STRAP: variants seen among roughly 807,000 people sequenced by gnomAD.
The protein encoded by STRAP is serine-threonine kinase receptor-associated protein.
A neutral mutation model predicts 47.0 loss-of-function variants in STRAP; 16 were observed. The ratio of observed to expected loss-of-function variants is 0.34; its 90% CI spans 0.23 to 0.52. STRAP has a LOEUF of 0.52. Ranked by LOEUF, STRAP falls within the 20% of genes least tolerant of loss-of-function variation. The probability of loss-of-function intolerance (pLI) is 0.96; values close to 1 mark genes in which losing one functional copy is unlikely to be tolerated. For missense variants in STRAP, 293 were observed against 420.0 expected, an observed-to-expected ratio of 0.70 and a Z score of 2.64; for synonymous variants, 130 against 142.7, an observed-to-expected ratio of 0.91 and a Z score of 0.63.
intron 9 of STRAP, among the ~76,000 whole-genome samples, chr12:15,901,307 A>G (rs557416210): frequency 2.0e-5 from 3 of 152,274 alleles, no homozygotes; most frequent in Non-Finnish European, 4.4e-5. Context: ...TGTAAGGGGG[A>G]TTAAAAAAAG....
rs1948060088 is a variant in STRAP, at chr12:15,896,386, T to G, written c.638+890T>G. 1.3e-5 allele frequency among the ~76,000 whole-genome samples: 2 copies of G among 152,228 alleles called. No homozygotes were observed. Among genetic ancestry groups the G allele is most frequent in the Non-Finnish European group, 2.9e-5 (2 of 68,040 alleles). ...CAGATTTGAATTTTGCGACTTTAAA[T>G]GTAGTAAATACTCTTGGAGAAAGAC... On this transcript the variant is annotated intron_variant, in intron 6 of 9. Transcript: ENST00000419869. This position sits in a 1 kb window ranked among gnomAD's most constrained non-coding sequence, Gnocchi z 4.1.
intron 4 of STRAP, among the ~76,000 whole-genome samples, chr12:15,893,505 TATA>T (rs1315125880): frequency 4.8e-5 from 7 of 147,120 alleles, no homozygotes; most frequent in African/African-American, 7.4e-5. Context: ...TTATTATACA[TATA>T]ATAAATATAT....
intron 9 of STRAP, among the ~76,000 whole-genome samples, chr12:15,901,878 A>AC (rs1307382412): frequency 1.3e-5 from 2 of 151,748 alleles, no homozygotes; most frequent in African/African-American, 4.8e-5. Context: ...AAAAAAAAAA[A>AC]AAGGTTGCCT....
intron 7 of STRAP, 77 bp downstream of exon 7, chr12:15,898,095 T>C (rs1948074988): frequency 7.2e-6 from 9 of 1,256,162 alleles, no homozygotes; most frequent in Non-Finnish European, 8.6e-6. Flanking sequence ...CATTTATATA[T>C]ATATATATGT....
At chr12:15,893,080 G>A (rs1263952677) in intron 4 of STRAP, among the ~76,000 whole-genome samples, 2 of 152,176 alleles carry the variant, frequency 1.3e-5, no homozygotes, top group Non-Finnish European at 2.9e-5. Flanking sequence ...AGTGTTGAAT[G>A]GCATTGCCTC....
rs977710420 is a variant in STRAP at position 15,882,600 on chromosome 12, C to G, written c.-108C>G. The G allele has an allele frequency of 2.2e-6, 2 of 922,164 alleles. No individual in the cohort carries two copies. The highest frequency in any genetic ancestry group is 2.1e-5 in the Admixed American group (1 of 46,658). 57.1% of individuals were successfully genotyped at this position (922,164 alleles called of 1,614,324 possible). A position where few individuals can be genotyped will look rare whatever the true frequency, so the allele number is the denominator to read the frequency against. On this transcript the variant is annotated 5_prime_UTR_variant, in exon 1 of 10. Transcript: ENST00000419869. ...TCTTTTCCTGTTGCCCAGCCCAGCC[C>G]TAGTGTCAGGGCGGGGGCCTGGAGC...
intron 8 of STRAP, 60 bp downstream of exon 8, chr12:15,900,113 A>C (rs1948091551): frequency 1.3e-6 from 2 of 1,495,188 alleles, no homozygotes; most frequent in Non-Finnish European, 1.8e-6. Context: ...TGTCATTTTT[A>C]ATCATTAATT....
chr12:15,886,143 G>C (rs1274283631), intron 2 of STRAP, among the ~76,000 whole-genome samples: 3 of 152,038 alleles, frequency 2.0e-5, no homozygotes, highest in East Asian at 1.9e-4. Context: ...CACTAGGTGG[G>C]CTTGCATTCG....
At chr12:15,901,136 TTAAA>T (rs1435474519) in intron 9 of STRAP, 124 bp downstream of exon 9, 10 of 650,602 alleles carry the variant, frequency 1.5e-5, no homozygotes, top group Admixed American at 7.7e-5. Context: ...AATGGAAACT[TTAAA>T]TATTTATGCA....
chr12:15,896,845 C>G lies in STRAP; in HGVS notation c.639-1037C>G, dbSNP rs1157713121. ...TTAATTGATTTCCATAAGGATTATA[C>G]CACATTACACTTTGATATTTGACCA... is the stretch of plus-strand genomic sequence containing the variant. On this transcript the variant is annotated intron_variant, in intron 6 of 9. Transcript: ENST00000419869. The surrounding 1 kb of genome is among the most constrained non-coding windows in gnomAD (Gnocchi z 4.1). Among the ~76,000 whole-genome samples, 1 of 152,126 alleles carries G rather than the reference C, an allele frequency of 6.6e-6. No homozygotes were observed. The highest frequency in any genetic ancestry group is 1.9e-4 in the East Asian group (1 of 5,182).
chr12:15,895,576 CTT>C, intron 6 of STRAP, 80 bp downstream of exon 6: 5 of 1,498,888 alleles, frequency 3.3e-6, no homozygotes, highest in Non-Finnish European at 4.5e-6. Context: ...AAGGTATTTA[CTT>C]TTTTTAAAAG....
At chr12:15,895,589 TAA>T in intron 6 of STRAP, 93 bp downstream of exon 6, 1 of 1,404,296 alleles carries the variant, frequency 7.1e-7, no homozygotes, top group Non-Finnish European at 9.6e-7. Context: ...TTTTTAAAAG[TAA>T]AGAGGCCAGG....
chr12:15,883,700 C>G (rs1325597568), intron 2 of STRAP, 24 bp downstream of exon 2: 12 of 1,612,178 alleles, frequency 7.4e-6, no homozygotes, highest in Non-Finnish European at 1.0e-5. Context: ...AGATGGCTAA[C>G]TTTGGTGTTC....
At chr12:15,897,060 A>G (rs1166315906) in intron 6 of STRAP, among the ~76,000 whole-genome samples, 1 of 152,202 alleles carries the variant, frequency 6.6e-6, no homozygotes, top group African/African-American at 2.4e-5. Context: ...GGCAAATCCC[A>G]TGTTGGTGGC....
chr12:15,895,294 T>A, intron 5 of STRAP, 65 bp from the exon 6 acceptor site: 3 of 1,239,884 alleles, frequency 2.4e-6, no homozygotes, highest in Non-Finnish European at 3.2e-6. Flanking sequence ...TCTGCAGATG[T>A]AATTAGAATT....
Position 15,895,360 on chromosome 12 carries a change from C to G in STRAP, c.502C>G (p.Leu168Val), listed in dbSNP as rs754011605. Reference sequence around the variant, plus strand: ...CATATTTTTATCTTTATTTTGCAGACTTTGGGATCATGCTACTATGACAGA... The same window carrying G: ...CATATTTTTATCTTTATTTTGCAGAGTTTGGGATCATGCTACTATGACAGA... ...ILSADDKTVR[L>V]WDHATMTEVK... Residue 168 changes from leucine to valine, a missense_variant and splice_region_variant, in exon 6 of 10, where the codon CTT becomes GTT. Around this residue, in one of 5 missense-constraint regions of STRAP, gnomAD observed 152 missense variants for 183.0 expected, o/e 0.83. Transcript: ENST00000419869. The G allele has an allele frequency of 3.8e-6, 6 of 1,561,298 alleles. No individual in the cohort carries two copies. The highest frequency in any genetic ancestry group is 4.2e-5 in the Admixed American group (2 of 47,708).
intron 7 of STRAP, among the ~76,000 whole-genome samples, chr12:15,899,021 T>G (rs982957276): frequency 6.6e-6 from 1 of 152,234 alleles, no homozygotes; most frequent in African/African-American, 2.4e-5. Context: ...TATTCTTTTC[T>G]GTTACTTTTA....
At chr12:15,892,727 G>A (rs992992679) in intron 4 of STRAP, among the ~76,000 whole-genome samples, 2 of 152,144 alleles carry the variant, frequency 1.3e-5, no homozygotes, top group Non-Finnish European at 2.9e-5. Flanking sequence ...GCATGTAGAA[G>A]TTTTTTTCTC....
intron 4 of STRAP, among the ~76,000 whole-genome samples, chr12:15,891,760 TG>T (rs1395628234): frequency 7.2e-5 from 11 of 152,072 alleles, no homozygotes; most frequent in African/African-American, 2.7e-4. Flanking sequence ...CTGGCCAACA[TG>T]GTGAAACCCC....
Sources: allele counts gnomAD v4.1 joint callset (sites outside exome capture counted in the v4.1 genomes callset), GRCh38; gene constraint gnomAD v4.1.1; regional missense constraint gnomAD v4.1.1; non-coding constraint Gnocchi (gnomAD v3.1); transcripts MANE v1.5; gene names NCBI Gene and HGNC (gene_info 2026-07-23, HGNC 2026-07-21).